GPR158: variants seen among roughly 807,000 people sequenced by gnomAD.
GPR158 encodes metabotropic glycine receptor.
GPR158 carries 30 observed loss-of-function variants against 78.2 expected under a neutral mutation model. That is an observed-to-expected ratio of 0.38 (90% confidence interval 0.29 to 0.52). The LOEUF (loss-of-function observed/expected upper bound fraction) is 0.52, where lower values mean the gene tolerates loss of function less well. Among genes scored for constraint, GPR158 ranks in the 20% least tolerant of loss-of-function variants. The pLI is 0.83. For missense variants in GPR158, 1,463 were observed against 1,523.5 expected (o/e 0.96, Z 0.66); for synonymous variants, 581 against 591.1 (o/e 0.98, Z 0.25).
rs561201275 is a variant in GPR158, at chr10:25,327,130, A to G, written c.1009-68781A>G. 3.9e-5 allele frequency among the ~76,000 whole-genome samples: 6 copies of G among 152,288 alleles called. No individual in the cohort carries two copies. The South Asian group carries it at 6.2e-4, about 16-fold the overall frequency. On this transcript the variant is annotated intron_variant, in intron 2 of 10. Coordinates refer to ENST00000376351, the MANE Select transcript of GPR158 (RefSeq NM_020752.3). Reference sequence around the variant, plus strand: ...ATTGCACCTTAATAAAGCTGGAGAGAATTTCTGCTAAGAAAAATAAGTGAA... The same window carrying G: ...ATTGCACCTTAATAAAGCTGGAGAGGATTTCTGCTAAGAAAAATAAGTGAA...
intron 5 of GPR158, among the ~76,000 whole-genome samples, chr10:25,492,262 C>CA: frequency 6.6e-6 from 1 of 152,304 alleles, no homozygotes; most frequent in South Asian, 2.1e-4. Context: ...AAACACCTCC[C>CA]ACCAGGCCCT....
chr10:25,186,930 AT>A, intron 1 of GPR158, among the ~76,000 whole-genome samples: 1 of 149,220 alleles, frequency 6.7e-6, no homozygotes, highest in Non-Finnish European at 1.5e-5. Context: ...AAAAAAGAGA[AT>A]TTTAGAAAGA....
chr10:25,476,481 C>T (rs371331832), intron 5 of GPR158, among the ~76,000 whole-genome samples: 9 of 148,784 alleles, frequency 6.0e-5, no homozygotes, highest in African/African-American at 2.0e-4. Context: ...GTAAGTAATA[C>T]TTACGTTCAG....
chr10:25,337,845 T>C, intron 2 of GPR158, among the ~76,000 whole-genome samples: 1 of 152,094 alleles, frequency 6.6e-6, no homozygotes, highest in East Asian at 1.9e-4. Context: ...CAGCACTATC[T>C]CATTTTAGTT....
At chr10:25,230,352 T>C (rs563669417) in intron 2 of GPR158, among the ~76,000 whole-genome samples, 5 of 152,116 alleles carry the variant, frequency 3.3e-5, no homozygotes, top group Non-Finnish European at 7.4e-5. Flanking sequence ...GCCAACATAG[T>C]CTGAGGTTGT....
At chr10:25,526,106 A>C (rs1247369878) in intron 5 of GPR158, among the ~76,000 whole-genome samples, 4 of 84,802 alleles carry the variant, frequency 4.7e-5, no homozygotes, top group Non-Finnish European at 8.4e-5. Context: ...TTTTGTCTAA[A>C]AAAAAAAAAA....
chr10:25,283,591 T>A (rs1332143768), intron 2 of GPR158, among the ~76,000 whole-genome samples: 1 of 151,936 alleles, frequency 6.6e-6, no homozygotes, highest in East Asian at 1.9e-4. Flanking sequence ...TGATTTTCTG[T>A]ATTATTTTGT....
intron 9 of GPR158, among the ~76,000 whole-genome samples, chr10:25,595,115 G>C (rs964501079): frequency 1.3e-5 from 2 of 152,086 alleles, no homozygotes; most frequent in Admixed American, 6.5e-5. Flanking sequence ...AGAACACTGT[G>C]TATCTTTTCA....
chr10:25,259,000 G>A (rs540748574), intron 2 of GPR158, among the ~76,000 whole-genome samples: 123 of 152,218 alleles, frequency 8.1e-4, no homozygotes, highest in African/African-American at 2.9e-3. Context: ...TTCATTAAGT[G>A]GGAGTAGATC....
At chr10:25,408,276 C>T (rs1475448595) in intron 3 of GPR158, among the ~76,000 whole-genome samples, 1 of 152,198 alleles carries the variant, frequency 6.6e-6, no homozygotes, top group East Asian at 1.9e-4. Flanking sequence ...TGTAGTTCTT[C>T]TTATGGTATT....
At chr10:25,346,536 C>T (rs993955391) in intron 2 of GPR158, among the ~76,000 whole-genome samples, 1 of 151,906 alleles carries the variant, frequency 6.6e-6, no homozygotes, top group Non-Finnish European at 1.5e-5. Flanking sequence ...TTAAACTTCA[C>T]CAACTCTTTT....
chr10:25,221,086 G>C lies in GPR158; in HGVS notation c.937G>C (p.Val313Leu). ...VMKVDINLQKVDIDQCSSDGW... is the reference protein window; with the variant it reads ...VMKVDINLQKLDIDQCSSDGW... ...GAAAGTTGACATAAATCTTCAGAAA[G>C]TGGACATTGACCAATGCTCAAGTGA... is the stretch of plus-strand genomic sequence containing the variant. The change falls in exon 2 of 11, where the codon GTG becomes CTG. Residue 313 changes from valine (V) to leucine (L), a missense_variant. Coordinates refer to ENST00000376351, the MANE Select transcript of GPR158 (RefSeq NM_020752.3). 1 of 1,599,058 alleles carries C rather than the reference G, an allele frequency of 6.3e-7. No individual in the cohort carries two copies. Among genetic ancestry groups the C allele is most frequent in the Non-Finnish European group, 8.6e-7 (1 of 1,167,874 alleles).
chr10:25,350,122 AT>A (rs1243316658), intron 2 of GPR158, among the ~76,000 whole-genome samples: 1 of 147,056 alleles, frequency 6.8e-6, no homozygotes, highest in Non-Finnish European at 1.5e-5. Context: ...GGCCTGGCTG[AT>A]TAAAAAAAAA....
At chr10:25,385,400 G>A (rs949412096) in intron 2 of GPR158, among the ~76,000 whole-genome samples, 7 of 151,934 alleles carry the variant, frequency 4.6e-5, no homozygotes, top group Admixed American at 2.0e-4. Flanking sequence ...ACAACTCTTG[G>A]CTATTTTAAA....
At chr10:25,390,910 G>T (rs1012316605) in intron 2 of GPR158, among the ~76,000 whole-genome samples, 1 of 152,176 alleles carries the variant, frequency 6.6e-6, no homozygotes, top group East Asian at 1.9e-4. Flanking sequence ...GGAGAAAATG[G>T]TTTCGTGGGC....
rs542020986 is a variant in GPR158, at chr10:25,584,467, T to A, written c.1754-4540T>A. 6.0e-4 allele frequency among the ~76,000 whole-genome samples: 92 copies of A among 152,322 alleles called. 1 individual carries two copies. In the South Asian group the frequency reaches 0.015, roughly 25 times the overall value. On this transcript the variant is annotated intron_variant, in intron 7 of 10. Transcript: ENST00000376351. The stretch of plus-strand genomic sequence containing the variant: ...TGTTCAACCGAGCTGTTATGAGAAA[T>A]CTTATTTTGTCTTATATTTTTAAAT...
intron 4 of GPR158, among the ~76,000 whole-genome samples, chr10:25,448,834 C>A (rs575862193): frequency 2.6e-5 from 4 of 152,108 alleles, no homozygotes; most frequent in African/African-American, 9.6e-5. Flanking sequence ...TGGCTTTATT[C>A]TGTCAAATAC....
chr10:25,175,633 G>A lies in GPR158; in HGVS notation c.213G>A (p.Ala71=), dbSNP rs1470468872. ...WSRSTDGTIL[A]QKLAEEVPMD... is the part of the protein sequence containing the mutation. ...GCTCCACCGATGGCACCATCTTGGC[G>A]CAGAAACTCGCCGAGGAGGTGCCCA... Residue 71 remains alanine, a synonymous_variant, in exon 1 of 11, where the codon GCG becomes GCA. Coordinates refer to ENST00000376351, the MANE Select transcript of GPR158 (RefSeq NM_020752.3). The surrounding 1 kb of genome is among the most constrained non-coding windows in gnomAD (Gnocchi z 6.4). The A allele has an allele frequency of 6.2e-7, 1 of 1,611,056 alleles. No homozygotes were observed. The highest frequency in any genetic ancestry group is 2.2e-5 in the East Asian group (1 of 44,838).
chr10:25,183,945 G>A (rs1191771008), intron 1 of GPR158, among the ~76,000 whole-genome samples: 1 of 152,180 alleles, frequency 6.6e-6, no homozygotes, highest in Admixed American at 6.5e-5. Flanking sequence ...AAATTGAGAT[G>A]TGTCTTACAA....
Sources: allele counts gnomAD v4.1 joint callset (sites outside exome capture counted in the v4.1 genomes callset), GRCh38; gene constraint gnomAD v4.1.1; non-coding constraint Gnocchi (gnomAD v3.1); transcripts MANE v1.5; gene names NCBI Gene and HGNC (gene_info 2026-07-23, HGNC 2026-07-21).